Variants in TGM5 observed in about 807,000 individuals in gnomAD.
The protein encoded by TGM5 is protein-glutamine gamma-glutamyltransferase 5.
In TGM5, 69 loss-of-function variants were observed where a neutral mutation model predicts 77.2. That is an observed-to-expected ratio of 0.89 (90% CI 0.74 to 1.09). The LOEUF is 1.09. Among genes scored for constraint, TGM5 ranks in the 50% least tolerant of loss-of-function variants. The probability of loss-of-function intolerance (pLI) is 0.00; values close to 1 mark genes in which losing one functional copy is unlikely to be tolerated. For synonymous variants in TGM5, 346 were observed against 351.8 expected (o/e 0.98, Z 0.18); for missense variants, 842 against 896.5 (o/e 0.94, Z 0.78).
chr15:43,258,397 T>G lies in TGM5; in HGVS notation c.436+1655A>C, dbSNP rs550114829. Reference sequence around the variant, plus strand: ...GTACCCCTGAACCTAAAATAAAGGTTAAAAATTATCTTTTTAAAGTTAAGA... The same window carrying G: ...GTACCCCTGAACCTAAAATAAAGGTGAAAAATTATCTTTTTAAAGTTAAGA... On this transcript the variant is annotated intron_variant, in intron 3 of 12. Coordinates refer to ENST00000220420, the MANE Select transcript of TGM5 (RefSeq NM_201631.4). 7.2e-5 allele frequency among the ~76,000 whole-genome samples: 11 copies of G among 152,276 alleles called. No individual in the cohort carries two copies. The South Asian group carries it at 2.1e-3, about 29-fold the overall frequency.
intron 7 of TGM5, 122 bp downstream of exon 7, chr15:43,240,729 AG>A: frequency 9.0e-7 from 1 of 1,113,618 alleles, no homozygotes. Flanking sequence ...GGGGAGGGTG[AG>A]GGGGTGTGGA....
At position 43,235,864 on chromosome 15, in the gene TGM5, G is replaced by T. The variant is rs1596439390; in HGVS notation, c.1346-27C>A. The T allele has an allele frequency of 3.1e-6, 5 of 1,612,300 alleles. No individual in the cohort carries two copies. In the East Asian group the frequency reaches 1.1e-4, roughly 36 times the overall value. On this transcript the variant is annotated intron_variant, in intron 9 of 12. Coordinates refer to ENST00000220420, the MANE Select transcript of TGM5 (RefSeq NM_201631.4). Reference sequence around the variant, plus strand: ...TGAAGTTGGGGAGAGCACAGCACCAGCTGTGAGCCAGGCTGACCGGGGTAG... The same window carrying T: ...TGAAGTTGGGGAGAGCACAGCACCATCTGTGAGCCAGGCTGACCGGGGTAG...
chr15:43,262,077 T>C (rs1016200452), intron 1 of TGM5, among the ~76,000 whole-genome samples: 1 of 152,182 alleles, frequency 6.6e-6, no homozygotes, highest in Admixed American at 6.5e-5. Context: ...GTTTTTGTAT[T>C]TGCTGTTATA....
intron 1 of TGM5, among the ~76,000 whole-genome samples, chr15:43,263,876 A>G (rs1288761798): frequency 6.6e-6 from 1 of 152,226 alleles, no homozygotes; most frequent in African/African-American, 2.4e-5. Context: ...TGAAGAGAAA[A>G]GCCATAGAAT....
chr15:43,252,408 C>G (rs184468164), intron 6 of TGM5, among the ~76,000 whole-genome samples: 16 of 152,130 alleles, frequency 1.1e-4, no homozygotes, highest in African/African-American at 2.2e-4. Context: ...CCTCTGCCCC[C>G]CCGGGTTCAA....
At chr15:43,261,153 G>T (rs1417410715) in intron 1 of TGM5, among the ~76,000 whole-genome samples, 3 of 131,524 alleles carry the variant, frequency 2.3e-5, no homozygotes, top group Non-Finnish European at 4.7e-5. Flanking sequence ...GCAGTGGCAC[G>T]ATCTCGGCTC....
chr15:43,238,851 C>G lies in TGM5; in HGVS notation c.1311G>C (p.Arg437=), dbSNP rs559009034. ...ACTTGTAGTTCTCTGTGATGTCATCCCGCTCGTCACTCTGGATGCTCTTTG... is the reference window on the plus strand; with the variant it reads ...ACTTGTAGTTCTCTGTGATGTCATCGCGCTCGTCACTCTGGATGCTCTTTG... ...ISTKSIQSDE[R]DDITENYKYE... The change falls in exon 9 of 13, where the codon CGG becomes CGC. Residue 437 remains arginine, a synonymous_variant. Transcript: ENST00000220420. The G allele has an allele frequency of 6.2e-7, 1 of 1,614,132 alleles. No homozygotes were observed. The highest frequency in any genetic ancestry group is 1.7e-5 in the Admixed American group (1 of 60,024).
At chr15:43,260,327 A>G (rs1566837020) in intron 2 of TGM5, 30 bp from the exon 3 acceptor site, 1 of 1,614,126 alleles carries the variant, frequency 6.2e-7, no homozygotes, top group East Asian at 2.2e-5. Context: ...GAGGCCCTCC[A>G]TGGCGACCTC....
intron 7 of TGM5, chr15:43,239,892 G>A (rs533160347): frequency 6.3e-6 from 1 of 159,308 alleles, no homozygotes; most frequent in Admixed American, 5.9e-5. Flanking sequence ...GTATTCGGAG[G>A]TAAGGCCGTC....
Position 43,238,951 on chromosome 15 carries a change from A to G in TGM5, c.1211T>C (p.Met404Thr), listed in dbSNP as rs1241644237. ...CTTCCCTCCCTGGACGAGCCAGGACATGCAGTCAGCATTCACCATCGAAAA... is the reference window on the plus strand; with the variant it reads ...CTTCCCTCCCTGGACGAGCCAGGACGTGCAGTCAGCATTCACCATCGAAAA... ...FVFSMVNADC[M>T]SWLVQGGKEQ... is the part of the protein sequence containing the mutation. The change falls in exon 9 of 13, where the codon ATG becomes ACG. Residue 404 changes from methionine (M) to threonine (T), a missense_variant. By Grantham distance (81) the Met-to-Thr change is moderately conservative. This residue lies in a region of TGM5 where 815 missense variants were observed against 844.6 expected (regional missense o/e 0.96). Transcript: ENST00000220420. The G allele has an allele frequency of 1.9e-6, 3 of 1,614,220 alleles. No individual in the cohort carries two copies. Among genetic ancestry groups the G allele is most frequent in the Non-Finnish European group, 1.7e-6 (2 of 1,180,048 alleles).
chr15:43,237,626 G>A (rs561307885), intron 9 of TGM5, among the ~76,000 whole-genome samples: 3 of 151,058 alleles, frequency 2.0e-5, no homozygotes, highest in Non-Finnish European at 4.4e-5. Context: ...ATAGTTCACT[G>A]CAGCCTCAAA....
At chr15:43,258,340 G>A (rs986070610) in intron 3 of TGM5, among the ~76,000 whole-genome samples, 2 of 152,050 alleles carry the variant, frequency 1.3e-5, no homozygotes, top group African/African-American at 4.8e-5. Context: ...CCTCTGTGGT[G>A]TGCAATTTAC....
chr15:43,258,076 C>T (rs923757757), intron 3 of TGM5, among the ~76,000 whole-genome samples: 7 of 151,378 alleles, frequency 4.6e-5, no homozygotes, highest in Non-Finnish European at 1.0e-4. Flanking sequence ...CAGGGCCTGT[C>T]GTGGGGTGGG....
intron 6 of TGM5, among the ~76,000 whole-genome samples, chr15:43,252,228 G>A (rs928150692): frequency 2.6e-5 from 4 of 152,222 alleles, no homozygotes; most frequent in South Asian, 2.1e-4. Context: ...GGTGTCAGGC[G>A]TCCTGGGACG....
intron 1 of TGM5, among the ~76,000 whole-genome samples, chr15:43,261,699 ACT>A (rs1300544717): frequency 1.3e-5 from 2 of 151,970 alleles, no homozygotes; most frequent in East Asian, 3.9e-4. Context: ...CCTGTCACTA[ACT>A]CTCTTCATGC....
chr15:43,239,510 C>T (rs1183276533), intron 7 of TGM5: 5 of 524,760 alleles, frequency 9.5e-6, no homozygotes, highest in African/African-American at 5.9e-5. Flanking sequence ...AGGAAGATCT[C>T]GTCTCAAAAA....
chr15:43,234,346 CCT>C (rs2042571097), intron 11 of TGM5, among the ~76,000 whole-genome samples: 1 of 152,152 alleles, frequency 6.6e-6, no homozygotes, highest in Non-Finnish European at 1.5e-5. Flanking sequence ...AGCCTAATCC[CCT>C]CTCTAACAGT....
intron 6 of TGM5, among the ~76,000 whole-genome samples, chr15:43,248,937 A>C (rs1201308576): frequency 1.3e-5 from 2 of 152,192 alleles, no homozygotes. Context: ...CCCTATATGC[A>C]AACCAATCAT....
intron 4 of TGM5, 76 bp downstream of exon 4, chr15:43,256,492 G>A: frequency 1.8e-6 from 2 of 1,128,738 alleles, no homozygotes; most frequent in East Asian, 2.3e-5. Context: ...AGTTCTAGGT[G>A]AAGCTCACAT....
Sources: gnomAD v4.1 joint callset for allele counts (sites outside exome capture counted in the v4.1 genomes callset) on GRCh38, gnomAD v4.1.1 for gene constraint, gnomAD v4.1.1 regional missense constraint, MANE v1.5 for transcripts, NCBI Gene and HGNC (gene_info 2026-07-23, HGNC 2026-07-21) for gene names.